PHACTR3: variants seen among roughly 807,000 people sequenced by gnomAD.
The protein encoded by PHACTR3 is protein phosphatase 1, regulatory subunit 123.
A neutral mutation model predicts 66.8 loss-of-function variants in PHACTR3; 16 were observed. That is an observed-to-expected ratio of 0.24 (90% CI 0.16 to 0.36). PHACTR3 has a LOEUF of 0.36. Among genes scored for constraint, PHACTR3 ranks in the 10% least tolerant of loss-of-function variants. PHACTR3 has a pLI of 1.00. For missense variants in PHACTR3, 647 were observed against 719.9 expected, an observed-to-expected ratio of 0.90 and a Z score of 1.16; for synonymous variants, 323 against 292.1, an observed-to-expected ratio of 1.11 and a Z score of -1.08.
At chr20:59,811,382 G>C (rs1279580024) in intron 8 of PHACTR3, among the ~76,000 whole-genome samples, 2 of 152,226 alleles carry the variant, frequency 1.3e-5, no homozygotes, top group African/African-American at 4.8e-5. Context: ...ATGTTGGCCG[G>C]GTCCGGTGGC....
At chr20:59,616,384 T>C (rs776233576) in intron 1 of PHACTR3, among the ~76,000 whole-genome samples, 3 of 152,150 alleles carry the variant, frequency 2.0e-5, no homozygotes, top group African/African-American at 7.2e-5. Flanking sequence ...TTGTCTTCCT[T>C]TGGGCCTCAA....
intron 1 of PHACTR3, among the ~76,000 whole-genome samples, chr20:59,673,341 G>T (rs2036259876): frequency 6.6e-6 from 1 of 152,192 alleles, no homozygotes; most frequent in Admixed American, 6.5e-5. Flanking sequence ...GGTATTGGAA[G>T]CCCCCATCAA....
At chr20:59,828,231 G>T (rs981867508) in intron 8 of PHACTR3, among the ~76,000 whole-genome samples, 1 of 152,196 alleles carries the variant, frequency 6.6e-6, no homozygotes, top group Non-Finnish European at 1.5e-5. Flanking sequence ...CCCACAGATT[G>T]GGGAGGGAAC....
Position 59,656,243 on chromosome 20 carries a change from A to T in PHACTR3, c.118+51111A>T, listed in dbSNP as rs1366500614. Among the ~76,000 whole-genome samples, 3 of 151,982 alleles carry T rather than the reference A, an allele frequency of 2.0e-5. No homozygotes were observed. The East Asian group carries it at 5.8e-4, about 29-fold the overall frequency. On this transcript the variant is annotated intron_variant, in intron 1 of 12. Transcript: ENST00000371015. ...TATTCTATTCATGAGTGAAAGTGGG[A>T]TATTGAAGTCTCCGATTTTTATTAT...
chr20:59,832,814 C>T (rs907829194), intron 8 of PHACTR3, among the ~76,000 whole-genome samples: 1 of 152,164 alleles, frequency 6.6e-6, no homozygotes, highest in African/African-American at 2.4e-5. Flanking sequence ...CTAGCGATCC[C>T]CAATCATCCT....
intron 1 of PHACTR3, among the ~76,000 whole-genome samples, chr20:59,723,101 TC>T (rs1291400355): frequency 2.7e-5 from 4 of 148,882 alleles, no homozygotes; most frequent in African/African-American, 1.0e-4. Flanking sequence ...TTTCTTTCTT[TC>T]TTTCTTTCTT....
At chr20:59,831,580 T>C (rs568133431) in intron 8 of PHACTR3, among the ~76,000 whole-genome samples, 5 of 152,176 alleles carry the variant, frequency 3.3e-5, no homozygotes, top group Admixed American at 6.5e-5. Flanking sequence ...CTGCAGAGGG[T>C]GGGGAGGTTT....
rs1471705029 is a variant in PHACTR3 at position 59,578,687 on chromosome 20, A to G, written c.109+1070A>G. Reference sequence around the variant, plus strand: ...AGCCCTCCTTCCCCACGAGGCGGTCATGGTGTAGTCCACAGGCTAGTGCTG... The same window carrying G: ...AGCCCTCCTTCCCCACGAGGCGGTCGTGGTGTAGTCCACAGGCTAGTGCTG... On this transcript the variant is annotated intron_variant, in intron 1 of 12. Transcript: ENST00000359926. 5.3e-5 allele frequency among the ~76,000 whole-genome samples: 8 copies of G among 152,192 alleles called. No homozygotes were observed. The East Asian group carries it at 1.5e-3, about 29-fold the overall frequency.
intron 1 of PHACTR3, among the ~76,000 whole-genome samples, chr20:59,690,183 T>G (rs1267177707): frequency 1.3e-5 from 2 of 152,202 alleles, no homozygotes; most frequent in Non-Finnish European, 1.5e-5. Context: ...TCTTTGAGTC[T>G]GGGGACCTGA....
intron 1 of PHACTR3, among the ~76,000 whole-genome samples, chr20:59,620,993 G>A (rs2034211785): frequency 6.6e-6 from 1 of 152,234 alleles, no homozygotes; most frequent in East Asian, 1.9e-4. Flanking sequence ...GTCCACTGCT[G>A]TCATCTTCTT....
At chr20:59,844,361 CCT>C (rs1338856618) in intron 11 of PHACTR3, 1 of 152,016 alleles carries the variant, frequency 6.6e-6, no homozygotes, top group African/African-American at 2.4e-5. Context: ...TCTGTACTCC[CCT>C]GTTCACTGCA....
chr20:59,694,365 C>T (rs1450229277), intron 1 of PHACTR3, among the ~76,000 whole-genome samples: 1 of 152,038 alleles, frequency 6.6e-6, no homozygotes, highest in African/African-American at 2.4e-5. Flanking sequence ...AAACTGTAAG[C>T]TCTGTGAAGA....
At chr20:59,612,035 G>T (rs1026667541) in intron 1 of PHACTR3, among the ~76,000 whole-genome samples, 5 of 152,162 alleles carry the variant, frequency 3.3e-5, no homozygotes, top group African/African-American at 1.2e-4. Context: ...CGGAGGGGAC[G>T]GTGCAGGTAG....
At chr20:59,700,154 T>C (rs895603156) in intron 1 of PHACTR3, among the ~76,000 whole-genome samples, 2 of 152,256 alleles carry the variant, frequency 1.3e-5, no homozygotes, top group Non-Finnish European at 2.9e-5. Flanking sequence ...CATACTGTTT[T>C]GTACCTTTTC....
In PHACTR3 at chr20:59,774,539, A is replaced by G. The variant is rs377638245; in HGVS notation, c.1174+49A>G. ...GTGTGGGGATCTCGGCCAGAGGTCT[A>G]GTGTCACCAGGGGGTCGAGGACAGA... is the stretch of plus-strand genomic sequence containing the variant. On this transcript the variant is annotated intron_variant, in intron 7 of 12. Transcript: ENST00000371015. 1.6e-4 allele frequency: 257 copies of G among 1,588,362 alleles called. 1 individual carries two copies. In the African/African-American group the frequency reaches 3.2e-3, roughly 20 times the overall value.
At chr20:59,755,691 G>T (rs923624645) in intron 4 of PHACTR3, among the ~76,000 whole-genome samples, 1 of 152,202 alleles carries the variant, frequency 6.6e-6, no homozygotes, top group African/African-American at 2.4e-5. Flanking sequence ...GTGCTCTCTG[G>T]AGGGGCAAGT....
chr20:59,741,207 C>T (rs2039149076), intron 1 of PHACTR3, among the ~76,000 whole-genome samples: 1 of 152,252 alleles, frequency 6.6e-6, no homozygotes, highest in African/African-American at 2.4e-5. Context: ...TTAGGGCTCC[C>T]AGCCCCTTCC....
At chr20:59,720,181 A>C (rs946730843) in intron 1 of PHACTR3, among the ~76,000 whole-genome samples, 2 of 152,196 alleles carry the variant, frequency 1.3e-5, no homozygotes, top group Non-Finnish European at 2.9e-5. Context: ...TCTCTCGAGC[A>C]GGCTAGCATA....
rs1169396705 is a variant in PHACTR3, at chr20:59,632,291, A to T, written c.118+27159A>T. 5.3e-5 allele frequency among the ~76,000 whole-genome samples: 8 copies of T among 151,416 alleles called. No homozygotes were observed. The East Asian group carries it at 1.6e-3, about 29-fold the overall frequency. On this transcript the variant is annotated intron_variant, in intron 1 of 12. Coordinates refer to ENST00000371015, the MANE Select transcript of PHACTR3 (RefSeq NM_080672.5). ...CTTGCGTCTGGCTGGGAAAAGGTGC[A>T]CCTCCTCCGTCTCTGTCCACGTGGA...
Sources: allele counts gnomAD v4.1 joint callset (sites outside exome capture counted in the v4.1 genomes callset), GRCh38; gene constraint gnomAD v4.1.1; transcripts MANE v1.5; gene names NCBI Gene and HGNC (gene_info 2026-07-23, HGNC 2026-07-21).